OASL: variants seen among roughly 807,000 people sequenced by gnomAD.
OASL encodes the protein 2'-5'-oligoadenylate synthetase like.
A neutral mutation model predicts 35.3 loss-of-function variants in OASL; 28 were observed. The observed-to-expected ratio is 0.79, with a 90% CI of 0.59 to 1.09. The LOEUF is 1.09. Among genes scored for constraint, OASL ranks in the 50% least tolerant of loss-of-function variants. OASL has a pLI of 0.00. For synonymous variants in OASL, 252 were observed against 254.6 expected (o/e 0.99, Z 0.10); for missense variants, 620 against 635.2 (o/e 0.98, Z 0.26).
At chr12:121,024,072 A>G (rs1869375338) in exon 5 of OASL, 4 of 1,614,062 alleles carry the variant, frequency 2.5e-6, no homozygotes, top group African/African-American at 1.3e-5. Flanking sequence ...CCTCTGAGCA[A>G]CGATGTCCCA....
chr12:121,019,629 A>T lies in OASL; in HGVS notation c.*932T>A, dbSNP rs570149764. The T allele has an allele frequency of 7.7e-4, 117 of 152,318 alleles. 1 individual carries two copies. The highest frequency in any genetic ancestry group is 3.4e-3 in the Middle Eastern group (1 of 294). 9.4% of individuals were successfully genotyped at this position (152,318 alleles called of 1,614,324 possible). ...TAGAGTTGAGAAGCTCAAATGATCA[A>T]GCAATAACCATTAGGACAGCATTAG... On this transcript the variant is annotated 3_prime_UTR_variant, in exon 6 of 6. Transcript: ENST00000257570.
downstream of OASL, among the ~76,000 whole-genome samples, chr12:121,017,934 G>T (rs1869077079): frequency 6.6e-6 from 1 of 152,210 alleles, no homozygotes; most frequent in African/African-American, 2.4e-5. Flanking sequence ...GCAGGAGTTG[G>T]CTTTAGCTTA....
chr12:121,024,628 ATTC>A (rs1219245951), intron 4 of OASL, among the ~76,000 whole-genome samples: 6 of 151,968 alleles, frequency 3.9e-5, no homozygotes, highest in Admixed American at 2.0e-4. Context: ...AAAAAAAAAA[ATTC>A]TTCTTCTTTG....
At chr12:121,023,287 C>CTT (rs768266698) in intron 5 of OASL, among the ~76,000 whole-genome samples, 17,128 of 122,638 alleles carry the variant, frequency 0.14, 1,769 homozygotes, top group Non-Finnish European at 0.19. Context: ...TTTTTTTTTT[C>CTT]TTTTTTTCTT....
At chr12:121,035,790 C>A (rs9943763) in intron 1 of OASL, among the ~76,000 whole-genome samples, 1 of 152,064 alleles carries the variant, frequency 6.6e-6, no homozygotes, top group South Asian at 2.1e-4. Flanking sequence ...ACCTCCACCC[C>A]CTGGGAGAGG....
chr12:121,023,806 C>A, intron 5 of OASL, 184 bp downstream of exon 5: 3 of 566,252 alleles, frequency 5.3e-6, no homozygotes, highest in Admixed American at 3.2e-5. Flanking sequence ...GGTAAGAAAC[C>A]CAAGGCTCTG....
At chr12:121,031,172 A>G (rs1322959188) in intron 3 of OASL, among the ~76,000 whole-genome samples, 3 of 152,064 alleles carry the variant, frequency 2.0e-5, no homozygotes, top group Non-Finnish European at 4.4e-5. Context: ...ATAATAAAAT[A>G]AAATAAAAAT....
chr12:121,034,200 T>C (rs1247982633), intron 1 of OASL, among the ~76,000 whole-genome samples: 3 of 151,376 alleles, frequency 2.0e-5, no homozygotes, highest in African/African-American at 7.3e-5. Context: ...CAGACTCTTT[T>C]TTTTTTTTTA....
exon 6 of OASL, chr12:121,020,516 C>G (rs759914786): frequency 3.2e-6 from 5 of 1,545,708 alleles, no homozygotes; most frequent in Admixed American, 3.8e-5. Context: ...AGGATGAGTT[C>G]TGGAGTACAT....
At chr12:121,032,613 T>C (rs1200254867) in intron 2 of OASL, among the ~76,000 whole-genome samples, 3 of 152,170 alleles carry the variant, frequency 2.0e-5, no homozygotes, top group Non-Finnish European at 4.4e-5. Context: ...GACTTGCCCA[T>C]GGACGCACGT....
chr12:121,037,173 TTCTAGTC>T, intron 1 of OASL, among the ~76,000 whole-genome samples: 1 of 152,172 alleles, frequency 6.6e-6, no homozygotes, highest in Non-Finnish European at 1.5e-5. Flanking sequence ...GGGGTCCTAA[TTCTAGTC>T]TTGCCTTTGC....
In OASL at chr12:121,033,505, G is replaced by A. The variant is rs757318846; in HGVS notation, c.437C>T (p.Ala146Val). 21 of 1,614,052 alleles carry A rather than the reference G, an allele frequency of 1.3e-5. No individual in the cohort carries two copies. The highest frequency in any genetic ancestry group is 1.7e-4 in the Middle Eastern group (1 of 6,060). ...CACAATGGTGACCGTGATGGGCTCCGCAGTCCCCCTGGTCTGGATGGTGAA... is the reference window on the plus strand; with the variant it reads ...CACAATGGTGACCGTGATGGGCTCCACAGTCCCCCTGGTCTGGATGGTGAA... The change falls in exon 2 of 6, where the codon GCG becomes GTG. Residue 146 changes from alanine to valine, a missense_variant. Transcript: ENST00000257570.
At chr12:121,027,684 A>T in exon 4 of OASL, 2 of 1,614,254 alleles carry the variant, frequency 1.2e-6, no homozygotes, top group Non-Finnish European at 1.7e-6. Context: ...GAGCAGGTCC[A>T]TCACAGTGGT....
chr12:121,038,928 AGCCTG>A lies in OASL; in HGVS notation c.39_43del (p.Arg14GlyfsTer157). 1 of 1,614,228 alleles carries A rather than the reference AGCCTG, an allele frequency of 6.2e-7. No individual in the cohort carries two copies. Among genetic ancestry groups the A allele is most frequent in the Non-Finnish European group, 8.5e-7 (1 of 1,180,036 alleles). ...CAGCCACTGAGCCACGAAGGAGTCC[AGCCTG>A]GAGGCTGGTGTGCTATACAGTTCCT... On this transcript the variant is annotated frameshift_variant, in exon 1 of 6. Coordinates refer to ENST00000257570, the Ensembl canonical transcript of OASL. LOFTEE classifies it high-confidence loss of function.
At chr12:121,022,367 G>A (rs1001898373) in intron 5 of OASL, among the ~76,000 whole-genome samples, 1 of 152,112 alleles carries the variant, frequency 6.6e-6, no homozygotes, top group African/African-American at 2.4e-5. Flanking sequence ...TTACAGATGT[G>A]AGCCACCGCA....
chr12:121,038,749 G>A, intron 1 of OASL, 25 bp downstream of exon 1: 1 of 1,610,858 alleles, frequency 6.2e-7, no homozygotes, highest in Non-Finnish European at 8.5e-7. Flanking sequence ...TGTCTTGCGT[G>A]GGGGCTGGAG....
intron 5 of OASL, among the ~76,000 whole-genome samples, chr12:121,022,365 G>A (rs1869279924): frequency 6.6e-6 from 1 of 152,130 alleles, no homozygotes; most frequent in African/African-American, 2.4e-5. Context: ...GATTACAGAT[G>A]TGAGCCACCG....
chr12:121,034,216 G>A (rs531207756), intron 1 of OASL, among the ~76,000 whole-genome samples: 2 of 150,302 alleles, frequency 1.3e-5, no homozygotes, highest in South Asian at 4.2e-4. Flanking sequence ...TTTTACACAG[G>A]GTTTCACTCC....
intron 3 of OASL, among the ~76,000 whole-genome samples, chr12:121,030,752 C>T (rs1365935068): frequency 6.6e-6 from 1 of 152,086 alleles, no homozygotes; most frequent in Non-Finnish European, 1.5e-5. Context: ...GAAATCCTTC[C>T]CCTTGTTAGT....
Sources: gnomAD v4.1 joint callset for allele counts (sites outside exome capture counted in the v4.1 genomes callset) on GRCh38, gnomAD v4.1.1 for gene constraint, MANE v1.5 for transcripts, NCBI Gene and HGNC (gene_info 2026-07-23, HGNC 2026-07-21) for gene names.